Variants in GAK observed in about 807,000 individuals in gnomAD.
GAK encodes cyclin G associated kinase.
Under a neutral mutation model 143.9 loss-of-function variants are expected in GAK, and 79 were observed. The observed-to-expected ratio is 0.55, with a 90% CI of 0.46 to 0.66. GAK has a LOEUF of 0.66. Among genes scored for constraint, GAK ranks in the 30% least tolerant of loss-of-function variants. The probability of loss-of-function intolerance (pLI) is 0.00; values close to 1 mark genes in which losing one functional copy is unlikely to be tolerated. For synonymous variants in GAK, 881 were observed against 765.5 expected, an observed-to-expected ratio of 1.15 and a Z score of -2.49; for missense variants, 1,693 against 1,779.7, an observed-to-expected ratio of 0.95 and a Z score of 0.88.
At chr4:912,944 C>T in intron 2 of GAK, 150 bp from the exon 3 acceptor site, 2 of 516,728 alleles carry the variant, frequency 3.9e-6, no homozygotes, top group Non-Finnish European at 6.7e-6. Context: ...CCTCTGACCC[C>T]TGTAAAAACG....
At chr4:859,296 C>T (rs952029744) in intron 24 of GAK, 9 of 1,300,398 alleles carry the variant, frequency 6.9e-6, no homozygotes, top group Non-Finnish European at 9.0e-6. Flanking sequence ...CTACACCCCA[C>T]TTCCATGCAG....
At chr4:889,882 G>A (rs539167693) in intron 10 of GAK, among the ~76,000 whole-genome samples, 1 of 152,302 alleles carries the variant, frequency 6.6e-6, no homozygotes, top group Admixed American at 6.5e-5. Flanking sequence ...CCAGCTGAGG[G>A]CCCTCCAGGG....
chr4:926,488 C>T lies in GAK; in HGVS notation c.145+5555G>A, dbSNP rs113341620. 3.2e-3 allele frequency among the ~76,000 whole-genome samples: 487 copies of T among 152,344 alleles called. 5 individuals are homozygous for T. The highest frequency in any genetic ancestry group is 9.6e-3 in the African/African-American group (400 of 41,570). On this transcript the variant is annotated intron_variant, in intron 1 of 27. Transcript: ENST00000314167. ...GCAAGCAACTAATCTCTGCAAACGTCACTTTTCTCTTCTGCGAGATGGAAG... is the reference window on the plus strand; with the variant it reads ...GCAAGCAACTAATCTCTGCAAACGTTACTTTTCTCTTCTGCGAGATGGAAG...
In GAK at chr4:849,635, C is replaced by T. The variant is rs1465883817; in HGVS notation, c.*38G>A. 5 of 1,526,886 alleles carry T rather than the reference C, an allele frequency of 3.3e-6. No homozygotes were observed. Among genetic ancestry groups the T allele is most frequent in the Non-Finnish European group, 4.5e-6 (5 of 1,107,534 alleles). The allele number at this position is 1,526,886 out of a possible 1,614,324, so 94.6% of individuals were successfully genotyped here. A position where few individuals can be genotyped will look rare whatever the true frequency, so the allele number is the denominator to read the frequency against. ...ACCCAGGTCCCACGACGGCTCCCAA[C>T]CTGTGGAGCTGTGTGCGCAGCCACC... On this transcript the variant is annotated 3_prime_UTR_variant, in exon 28 of 28. Coordinates refer to ENST00000314167, the MANE Select transcript of GAK (RefSeq NM_005255.4).
chr4:864,097 G>A (rs1449891316), intron 23 of GAK, among the ~76,000 whole-genome samples: 3 of 152,190 alleles, frequency 2.0e-5, no homozygotes, highest in East Asian at 1.9e-4. Flanking sequence ...AGTGGCTCAC[G>A]CCTGTAATCC....
chr4:923,418 C>T (rs1425858827), intron 1 of GAK, among the ~76,000 whole-genome samples: 1 of 152,212 alleles, frequency 6.6e-6, no homozygotes, highest in Non-Finnish European at 1.5e-5. Flanking sequence ...CCTGCAATCC[C>T]AGCACTTTGG....
chr4:865,360 G>C, intron 22 of GAK, 116 bp from the exon 23 acceptor site: 5 of 1,316,694 alleles, frequency 3.8e-6, no homozygotes, highest in Non-Finnish European at 5.3e-6. Flanking sequence ...CACCCAGGCT[G>C]AGCTGAGGCT....
At chr4:917,952 T>C (rs1577311486) in intron 1 of GAK, among the ~76,000 whole-genome samples, 1 of 152,190 alleles carries the variant, frequency 6.6e-6, no homozygotes, top group African/African-American at 2.4e-5. Flanking sequence ...AACAAGCTTA[T>C]AAAGTCTTTC....
At chr4:908,602 T>C (rs1490523635) in intron 4 of GAK, among the ~76,000 whole-genome samples, 1 of 102,742 alleles carries the variant, frequency 9.7e-6, no homozygotes, top group African/African-American at 3.1e-5. Flanking sequence ...GGCAACATAG[T>C]GAGACTCTGT....
At chr4:901,722 G>A (rs1560399405) in intron 5 of GAK, among the ~76,000 whole-genome samples, 1 of 152,234 alleles carries the variant, frequency 6.6e-6, no homozygotes, top group Non-Finnish European at 1.5e-5. Context: ...CACGGGGCTG[G>A]GGCCTCACTG....
At chr4:867,875 C>T (rs1751497967) in intron 20 of GAK, among the ~76,000 whole-genome samples, 1 of 152,260 alleles carries the variant, frequency 6.6e-6, no homozygotes, top group Admixed American at 6.5e-5. Flanking sequence ...CACCCACCTC[C>T]AGCCTCTGCC....
At chr4:856,940 G>T (rs983691374) in intron 24 of GAK, among the ~76,000 whole-genome samples, 1 of 152,200 alleles carries the variant, frequency 6.6e-6, no homozygotes. Context: ...CTGGCTGACA[G>T]TGCTGCCATA....
At chr4:853,017 T>A (rs180843692) in intron 24 of GAK, 68 of 152,262 alleles carry the variant, frequency 4.5e-4, no homozygotes, top group African/African-American at 1.4e-3. Context: ...CATCTTTTTT[T>A]TTTTTTGGAG....
At chr4:859,517 T>A in intron 24 of GAK, 89 bp downstream of exon 24, 3 of 1,597,202 alleles carry the variant, frequency 1.9e-6, no homozygotes, top group Non-Finnish European at 2.6e-6. Context: ...GGCAAAGACT[T>A]CACTTTGGGC....
chr4:903,967 G>T (rs1443087608), intron 5 of GAK, among the ~76,000 whole-genome samples: 1 of 152,258 alleles, frequency 6.6e-6, no homozygotes, highest in Non-Finnish European at 1.5e-5. Flanking sequence ...TTTCTTCAGG[G>T]CTGGAAAAGC....
intron 2 of GAK, among the ~76,000 whole-genome samples, chr4:913,367 C>A (rs1722377128): frequency 6.6e-6 from 1 of 152,210 alleles, no homozygotes; most frequent in Admixed American, 6.5e-5. Flanking sequence ...GAGGTCACCC[C>A]CAGCACAGCC....
chr4:866,929 A>G, intron 21 of GAK, 27 bp downstream of exon 21: 1 of 1,409,382 alleles, frequency 7.1e-7, no homozygotes. Context: ...CTGTGAAGCC[A>G]CTCGCCTTCA....
At chr4:897,356 G>T (rs1718999874) in intron 6 of GAK, among the ~76,000 whole-genome samples, 1 of 152,196 alleles carries the variant, frequency 6.6e-6, no homozygotes, top group Non-Finnish European at 1.5e-5. Context: ...AAAGCACGAA[G>T]ACCTGCTTTC....
chr4:898,041 C>G lies in GAK; in HGVS notation c.643G>C (p.Glu215Gln), dbSNP rs771067589. The change falls in exon 6 of 28, where the codon GAG becomes CAG. Residue 215 changes from glutamate (E) to glutamine (Q), a missense_variant. Glu to Gln is a conservative substitution (Grantham distance 29). Coordinates refer to ENST00000314167, the MANE Select transcript of GAK (RefSeq NM_005255.4). ...GGCCCCACTCAGCTCACCTCTTCCT[C>G]CACCAGGGCTCGCCTCTGGGCGCTC... ...SWSAQRRALV[E>Q]EEITRNTTPM... 1.2e-6 allele frequency: 2 copies of G among 1,613,004 alleles called. No homozygotes were observed.
Sources: allele counts gnomAD v4.1 joint callset (sites outside exome capture counted in the v4.1 genomes callset), GRCh38; gene constraint gnomAD v4.1.1; transcripts MANE v1.5; gene names NCBI Gene and HGNC (gene_info 2026-07-23, HGNC 2026-07-21).